CRMP1: variants seen among roughly 807,000 people sequenced by gnomAD.
CRMP1 encodes the protein dihydropyrimidinase-related protein 1.
In CRMP1, 19 loss-of-function variants were observed where a neutral mutation model predicts 68.3. The observed-to-expected ratio is 0.28, with a 90% CI of 0.19 to 0.41. The LOEUF (loss-of-function observed/expected upper bound fraction) is 0.41, where lower values mean the gene tolerates loss of function less well. Ranked by LOEUF, CRMP1 falls within the 10% of genes least tolerant of loss-of-function variation. The probability of loss-of-function intolerance (pLI) is 1.00; values close to 1 mark genes in which losing one functional copy is unlikely to be tolerated. For synonymous variants in CRMP1, 439 were observed against 399.6 expected (o/e 1.10, Z -1.18); for missense variants, 791 against 967.4 (o/e 0.82, Z 2.42).
At chr4:5,863,630 C>T (rs1390125994) in intron 2 of CRMP1, among the ~76,000 whole-genome samples, 2 of 152,112 alleles carry the variant, frequency 1.3e-5, no homozygotes, top group Non-Finnish European at 2.9e-5. Context: ...AACACCATCA[C>T]CTCCCGGTGC....
chr4:5,849,288 C>T (rs969032119), intron 6 of CRMP1, 104 bp downstream of exon 6: 1 of 923,488 alleles, frequency 1.1e-6, no homozygotes, highest in African/African-American at 1.7e-5. Flanking sequence ...CTGGCTTGAC[C>T]TTTCATTGTA....
In CRMP1 at chr4:5,843,788, C is replaced by T. The variant is rs538558364; in HGVS notation, c.964-627G>A. Among the ~76,000 whole-genome samples the T allele has an allele frequency of 5.3e-5, 8 of 152,264 alleles. No individual in the cohort carries two copies. Among genetic ancestry groups the T allele is most frequent in the Admixed American group, 5.2e-4 (8 of 15,286 alleles). ...GAGCGAGCACACGCTCATTAATTGG[C>T]AGCCGGCTCTCATACCTACTTCAGC... is the stretch of plus-strand genomic sequence containing the variant. On this transcript the variant is annotated intron_variant, in intron 6 of 13. Transcript: ENST00000324989. This position sits in a 1 kb window ranked among gnomAD's most constrained non-coding sequence, Gnocchi z 4.1.
Position 5,883,399 on chromosome 4 carries a change from A to C in CRMP1, c.381+9190T>G, listed in dbSNP as rs1338005012. 5.3e-5 allele frequency among the ~76,000 whole-genome samples: 8 copies of C among 151,908 alleles called. 1 individual carries two copies. The highest frequency in any genetic ancestry group is 1.9e-4 in the African/African-American group (8 of 41,424). ...ACTGCAACCTCTGCCTCCCAGGTTC[A>C]AGCAATTTCTCCTGCCTCAGCCTCC... is the stretch of plus-strand genomic sequence containing the variant. On this transcript the variant is annotated intron_variant, in intron 1 of 13. Transcript: ENST00000324989. The surrounding 1 kb of genome is among the most constrained non-coding windows in gnomAD (Gnocchi z 4.5).
intron 6 of CRMP1, among the ~76,000 whole-genome samples, chr4:5,846,431 G>A (rs182014321): frequency 2.4e-4 from 36 of 152,282 alleles, no homozygotes; most frequent in African/African-American, 8.2e-4. Context: ...TCAGGGTAGC[G>A]GAGGGATTAT....
At position 5,821,995 on chromosome 4, in the gene CRMP1, C is replaced by T. The variant is rs1198179743; in HGVS notation, c.1970-144G>A. The T allele has an allele frequency of 3.0e-6, 2 of 661,292 alleles. No individual in the cohort carries two copies. The highest frequency in any genetic ancestry group is 2.9e-5 in the Admixed American group (1 of 35,064). The allele number at this position is 661,292 out of a possible 1,614,324, so 41.0% of individuals were successfully genotyped here. On this transcript the variant is annotated intron_variant, in intron 13 of 13. Coordinates refer to ENST00000324989, the MANE Select transcript of CRMP1 (RefSeq NM_001014809.3). This position sits in a 1 kb window ranked among gnomAD's most constrained non-coding sequence, Gnocchi z 4.4. ...TCCAGGACCAGCCATGGGAAGCCTC[C>T]CTGGCCTCCACAGAGTCCACTGCTC...
rs531446019 is a variant in CRMP1, at chr4:5,834,319, G to A, written c.1623+1596C>T. On this transcript the variant is annotated intron_variant, in intron 11 of 13. Coordinates refer to ENST00000324989, the MANE Select transcript of CRMP1 (RefSeq NM_001014809.3). The surrounding 1 kb of genome is among the most constrained non-coding windows in gnomAD (Gnocchi z 4.3). ...GACCATTAAGAGCTGATTAGGTCAT[G>A]AAGGCTCTGCCCTCATTAATGGTTA... Among the ~76,000 whole-genome samples the A allele has an allele frequency of 3.3e-5, 5 of 152,332 alleles. No individual in the cohort carries two copies. The highest frequency in any genetic ancestry group is 1.2e-4 in the African/African-American group (5 of 41,576).
At position 5,825,898 on chromosome 4, in the gene CRMP1, C is replaced by G; in HGVS notation, c.1804-239G>C. The G allele has an allele frequency of 1.9e-6, 1 of 523,890 alleles. No homozygotes were observed. The highest frequency in any genetic ancestry group is 3.3e-6 in the Non-Finnish European group (1 of 302,460). The allele number at this position is 523,890 out of a possible 1,614,324, so 32.5% of individuals were successfully genotyped here. A position where few individuals can be genotyped will look rare whatever the true frequency, so the allele number is the denominator to read the frequency against. On this transcript the variant is annotated intron_variant, in intron 12 of 13. Transcript: ENST00000324989. This position sits in a 1 kb window ranked among gnomAD's most constrained non-coding sequence, Gnocchi z 4.4. ...CTACATACCCACATGCATACACATA[C>G]AGACGCACACACCACGCACACGCAC...
chr4:5,868,261 C>CTATCTATCTATATA (rs1210674102), intron 1 of CRMP1, among the ~76,000 whole-genome samples: 12 of 111,468 alleles, frequency 1.1e-4, no homozygotes, highest in South Asian at 3.1e-4. Flanking sequence ...GACTATATAT[C>CTATCTATCTATATA]TATATATATA....
chr4:5,823,543 G>C (rs887075163), intron 13 of CRMP1, among the ~76,000 whole-genome samples: 1 of 152,208 alleles, frequency 6.6e-6, no homozygotes, highest in Admixed American at 6.5e-5. Flanking sequence ...AGGGGTTTGG[G>C]TCATGAAGGA....
In CRMP1 at chr4:5,859,817, C is replaced by G. The variant is rs1048022215; in HGVS notation, c.655+1209G>C. Among the ~76,000 whole-genome samples, 1 of 152,124 alleles carries G rather than the reference C, an allele frequency of 6.6e-6. No homozygotes were observed. The highest frequency in any genetic ancestry group is 2.4e-5 in the African/African-American group (1 of 41,430). On this transcript the variant is annotated intron_variant, in intron 3 of 13. Coordinates refer to ENST00000324989, the MANE Select transcript of CRMP1 (RefSeq NM_001014809.3). This position sits in a 1 kb window ranked among gnomAD's most constrained non-coding sequence, Gnocchi z 5.2. ...CTCTGCCCATGGCGGTGGGCTTCAG[C>G]CCACAGACCACACTTCCAAAGGGAC...
chr4:5,892,896 G>A lies in CRMP1; in HGVS notation c.74C>T (p.Ala25Val). 7.2e-7 allele frequency: 1 copy of A among 1,380,668 alleles called. No individual in the cohort carries two copies. The highest frequency in any genetic ancestry group is 9.4e-7 in the Non-Finnish European group (1 of 1,060,982). 85.5% of individuals were successfully genotyped at this position (1,380,668 alleles called of 1,614,324 possible). A position where few individuals can be genotyped will look rare whatever the true frequency, so the allele number is the denominator to read the frequency against. ...GCCGTACTTCTGGCGCGGGGTCTGC[G>A]CCGCGCTGCCCGGCCGCGCCAGGTA... ...PVYLARPGSAAQTPRQKYGGM... is the reference protein window; with the variant it reads ...PVYLARPGSAVQTPRQKYGGM... The change falls in exon 1 of 14, where the codon GCG becomes GTG. Residue 25 changes from alanine (A) to valine (V), a missense_variant. Ala to Val is a moderately conservative substitution (Grantham distance 64, BLOSUM62 0). This residue lies in a region of CRMP1 where 193 missense variants were observed against 186.3 expected (regional missense o/e 1.04). Coordinates refer to ENST00000324989, the MANE Select transcript of CRMP1 (RefSeq NM_001014809.3). This position sits in a 1 kb window ranked among gnomAD's most constrained non-coding sequence, Gnocchi z 8.6.
At position 5,854,569 on chromosome 4, in the gene CRMP1, A is replaced by C. The variant is rs756476727; in HGVS notation, c.820+1574T>G. ...AATGCCTTCTTGATAGAAAGAGCTT[A>C]AACAGACATATGAAAATGCAAATTG... is the stretch of plus-strand genomic sequence containing the variant. On this transcript the variant is annotated intron_variant, in intron 4 of 13. Transcript: ENST00000324989. This position sits in a 1 kb window ranked among gnomAD's most constrained non-coding sequence, Gnocchi z 4.0. Among the ~76,000 whole-genome samples, 2 of 152,142 alleles carry C rather than the reference A, an allele frequency of 1.3e-5. No individual in the cohort carries two copies. Among genetic ancestry groups the C allele is most frequent in the African/African-American group, 2.4e-5 (1 of 41,424 alleles).
At chr4:5,845,099 A>T (rs2152461162) in intron 6 of CRMP1, among the ~76,000 whole-genome samples, 1 of 152,358 alleles carries the variant, frequency 6.6e-6, no homozygotes, top group African/African-American at 2.4e-5. Context: ...GCCGGACATA[A>T]GACAGTGTGT....
intron 6 of CRMP1, among the ~76,000 whole-genome samples, chr4:5,846,045 C>T (rs1208927850): frequency 6.6e-6 from 1 of 152,134 alleles, no homozygotes; most frequent in Non-Finnish European, 1.5e-5. Flanking sequence ...CCTGTAATCC[C>T]AGCACTGTGG....
intron 11 of CRMP1, among the ~76,000 whole-genome samples, chr4:5,832,079 C>T (rs971752809): frequency 6.6e-6 from 1 of 152,162 alleles, no homozygotes; most frequent in Non-Finnish European, 1.5e-5. Flanking sequence ...ACATAAAAGG[C>T]CACATATTGG....
chr4:5,851,967 AG>A (rs745859729), intron 4 of CRMP1, among the ~76,000 whole-genome samples: 629 of 17,394 alleles, frequency 0.036, 5 homozygotes, highest in South Asian at 0.2. Context: ...AAGGAGGAAG[AG>A]GAAGAGGAGG....
In CRMP1 at chr4:5,890,852, C is replaced by A. The variant is rs1014877956; in HGVS notation, c.381+1737G>T. Among the ~76,000 whole-genome samples the A allele has an allele frequency of 1.3e-5, 2 of 152,064 alleles. No homozygotes were observed. The highest frequency in any genetic ancestry group is 4.8e-5 in the African/African-American group (2 of 41,426). On this transcript the variant is annotated intron_variant, in intron 1 of 13. Transcript: ENST00000324989. This position sits in a 1 kb window ranked among gnomAD's most constrained non-coding sequence, Gnocchi z 5.5. ...CTCCTTGGGACAGCTACGGGCCGTG[C>A]ACAAAGCGCCCTCGCCTCCCTAGTA... is the stretch of plus-strand genomic sequence containing the variant.
chr4:5,877,228 C>T lies in CRMP1; in HGVS notation c.382-10472G>A, dbSNP rs988403412. Among the ~76,000 whole-genome samples, 1 of 152,190 alleles carries T rather than the reference C, an allele frequency of 6.6e-6. No homozygotes were observed. The highest frequency in any genetic ancestry group is 2.4e-5 in the African/African-American group (1 of 41,422). On this transcript the variant is annotated intron_variant, in intron 1 of 13. Transcript: ENST00000324989. The surrounding 1 kb of genome is among the most constrained non-coding windows in gnomAD (Gnocchi z 4.3). Reference sequence around the variant, plus strand: ...GCATCTACCACCCACAAACCTATTGCCATAAATAAATATTGGTTGCTGTAA... The same window carrying T: ...GCATCTACCACCCACAAACCTATTGTCATAAATAAATATTGGTTGCTGTAA...
chr4:5,829,623 G>A (rs1012321594), intron 11 of CRMP1, among the ~76,000 whole-genome samples: 6 of 152,140 alleles, frequency 3.9e-5, no homozygotes, highest in African/African-American at 1.4e-4. Context: ...CTCTAAGTAT[G>A]TCCGAGGCAT....
Sources: allele counts gnomAD v4.1 joint callset (sites outside exome capture counted in the v4.1 genomes callset), GRCh38; gene constraint gnomAD v4.1.1; regional missense constraint gnomAD v4.1.1; non-coding constraint Gnocchi (gnomAD v3.1); transcripts MANE v1.5; gene names NCBI Gene and HGNC (gene_info 2026-07-23, HGNC 2026-07-21).